MEF2A: variants seen among roughly 807,000 people sequenced by gnomAD.
The protein encoded by MEF2A is myocyte enhancer factor 2A.
MEF2A carries 28 observed loss-of-function variants against 55.8 expected under a neutral mutation model. That is an observed-to-expected ratio of 0.50 (90% CI 0.37 to 0.69). The LOEUF is 0.69. Among genes scored for constraint, MEF2A ranks in the 30% least tolerant of loss-of-function variants. The pLI, the probability that MEF2A is intolerant of heterozygous loss-of-function variation, is 0.00. For synonymous variants in MEF2A, 239 were observed against 227.1 expected (o/e 1.05, Z -0.47); for missense variants, 528 against 626.2 (o/e 0.84, Z 1.67).
At chr15:99,686,289 CTT>C (rs968403289) in intron 7 of MEF2A, among the ~76,000 whole-genome samples, 1 of 151,382 alleles carries the variant, frequency 6.6e-6, no homozygotes, top group African/African-American at 2.4e-5. Flanking sequence ...TGCCTGAATA[CTT>C]TTTTTTTCAT....
chr15:99,702,128 T>C (rs547423628), intron 8 of MEF2A, among the ~76,000 whole-genome samples: 14 of 152,390 alleles, frequency 9.2e-5, no homozygotes, highest in Admixed American at 6.5e-4. Context: ...TTTGGAGATA[T>C]GTAAAGATAT....
intron 4 of MEF2A, among the ~76,000 whole-genome samples, chr15:99,670,099 GAAGA>G (rs375928367): frequency 5.3e-5 from 8 of 152,118 alleles, no homozygotes; most frequent in Non-Finnish European, 7.4e-5. Flanking sequence ...TTTTAAAAAA[GAAGA>G]AAGAAAGAAA....
chr15:99,582,380 C>T (rs1966191782), intron 1 of MEF2A, among the ~76,000 whole-genome samples: 1 of 152,012 alleles, frequency 6.6e-6, no homozygotes, highest in South Asian at 2.1e-4. Flanking sequence ...TCTTGATTTC[C>T]TTTCCCAGGC....
At chr15:99,661,447 G>T (rs1349150728) in intron 4 of MEF2A, among the ~76,000 whole-genome samples, 1 of 147,858 alleles carries the variant, frequency 6.8e-6, no homozygotes, top group Non-Finnish European at 1.5e-5. Context: ...ATAATGGGAA[G>T]ATATTTTTAC....
chr15:99,701,179 T>C (rs1189731060), intron 8 of MEF2A, among the ~76,000 whole-genome samples: 1 of 152,238 alleles, frequency 6.6e-6, no homozygotes, highest in Non-Finnish European at 1.5e-5. Flanking sequence ...TGGAAAACAC[T>C]GCCTTAACCG....
intron 4 of MEF2A, among the ~76,000 whole-genome samples, chr15:99,648,675 G>A (rs778324882): frequency 7.2e-5 from 11 of 152,088 alleles, no homozygotes; most frequent in Non-Finnish European, 1.5e-4. Flanking sequence ...TAAAAAATCA[G>A]CAGGATTTTA....
At chr15:99,601,391 T>C (rs1009549428) in intron 2 of MEF2A, among the ~76,000 whole-genome samples, 1 of 152,182 alleles carries the variant, frequency 6.6e-6, no homozygotes, top group Admixed American at 6.5e-5. Flanking sequence ...TTGCTTGCTC[T>C]ATTAGACTGG....
At chr15:99,683,596 G>C (rs1259834732) in intron 7 of MEF2A, among the ~76,000 whole-genome samples, 1 of 151,446 alleles carries the variant, frequency 6.6e-6, no homozygotes, top group Admixed American at 6.6e-5. Context: ...TTTTAGTGGG[G>C]TTTCGCCATG....
At chr15:99,572,206 C>T (rs1683695804) in intron 1 of MEF2A, among the ~76,000 whole-genome samples, 1 of 152,146 alleles carries the variant, frequency 6.6e-6, no homozygotes, top group African/African-American at 2.4e-5. Flanking sequence ...TCATTCATCA[C>T]ATGTCAGCCA....
intron 3 of MEF2A, among the ~76,000 whole-genome samples, chr15:99,642,756 C>A (rs865908144): frequency 1.3e-5 from 2 of 152,170 alleles, no homozygotes; most frequent in African/African-American, 4.8e-5. Flanking sequence ...AATCTTGTAG[C>A]ACTAATCAGA....
At chr15:99,675,250 T>C (rs770852942) in intron 6 of MEF2A, 149 bp from the exon 7 acceptor site, 65 of 722,584 alleles carry the variant, frequency 9.0e-5, no homozygotes, top group Non-Finnish European at 1.3e-4. Flanking sequence ...TACATGTTAA[T>C]GCCAACTTCA....
At chr15:99,698,131 G>A (rs1313622253) in intron 8 of MEF2A, among the ~76,000 whole-genome samples, 1 of 152,122 alleles carries the variant, frequency 6.6e-6, no homozygotes, top group African/African-American at 2.4e-5. Context: ...GAAATTTAGA[G>A]GAGAAAATCC....
intron 2 of MEF2A, among the ~76,000 whole-genome samples, chr15:99,622,222 G>A (rs187443733): frequency 1.3e-5 from 2 of 152,238 alleles, no homozygotes; most frequent in East Asian, 3.9e-4. Context: ...AGTTACCTGA[G>A]TATTCAGTTT....
intron 1 of MEF2A, among the ~76,000 whole-genome samples, chr15:99,580,980 A>G (rs1361774045): frequency 1.3e-5 from 2 of 152,240 alleles, no homozygotes; most frequent in African/African-American, 2.4e-5. Context: ...AGATGGCACT[A>G]AATCTGTTAG....
chr15:99,572,242 C>G (rs1962641994), intron 1 of MEF2A, among the ~76,000 whole-genome samples: 1 of 152,146 alleles, frequency 6.6e-6, no homozygotes, highest in Non-Finnish European at 1.5e-5. Flanking sequence ...GTTTCTTAAA[C>G]CCTCTGCACC....
intron 4 of MEF2A, among the ~76,000 whole-genome samples, chr15:99,656,827 T>C (rs1212200363): frequency 6.6e-6 from 1 of 152,118 alleles, no homozygotes; most frequent in Non-Finnish European, 1.5e-5. Context: ...TACCATAAAA[T>C]TCACCAGTGT....
chr15:99,573,814 T>C (rs577186072), intron 1 of MEF2A, among the ~76,000 whole-genome samples: 28 of 152,288 alleles, frequency 1.8e-4, no homozygotes, highest in Middle Eastern at 3.4e-3. Flanking sequence ...CCATTCTAAA[T>C]AGCTGACTTA....
At chr15:99,692,296 TAA>T (rs1273868676) in intron 8 of MEF2A, among the ~76,000 whole-genome samples, 1 of 152,216 alleles carries the variant, frequency 6.6e-6, no homozygotes, top group Admixed American at 6.5e-5. Flanking sequence ...ACCAAATCTC[TAA>T]GTCTTACAGT....
At chr15:99,665,731 C>CAAAAAAAAAAAAAAAAAAAAAA (rs752473261) in intron 4 of MEF2A, among the ~76,000 whole-genome samples, 10 of 20,246 alleles carry the variant, frequency 4.9e-4, no homozygotes, top group East Asian at 1.1e-3. Context: ...CTTAAATTTA[C>CAAAAAAAAAAAAAAAAAAAAAA]AAAAAAAAAA....
Sources: gnomAD v4.1 joint callset for allele counts (sites outside exome capture counted in the v4.1 genomes callset) on GRCh38, gnomAD v4.1.1 for gene constraint, MANE v1.5 for transcripts, NCBI Gene and HGNC (gene_info 2026-07-23, HGNC 2026-07-21) for gene names.